The following NAV3 variants were observed in gnomAD, a reference collection of about 807,000 sequenced individuals.
NAV3 encodes the protein pore membrane and/or filament interacting like protein 1.
NAV3 carries 87 observed loss-of-function variants against 244.7 expected under a neutral mutation model. The ratio of observed to expected loss-of-function variants is 0.36; its 90% CI spans 0.30 to 0.42. NAV3 has a LOEUF of 0.42. NAV3 is among the 20% of genes least tolerant of loss of function. The probability of loss-of-function intolerance (pLI) is 1.00; values close to 1 mark genes in which losing one functional copy is unlikely to be tolerated. For synonymous variants in NAV3, 1,126 were observed against 1,042.2 expected (o/e 1.08, Z -1.55); for missense variants, 2,663 against 2,893.3 (o/e 0.92, Z 1.83).
At chr12:78,096,325 G>A (rs1262446208) in intron 12 of NAV3, among the ~76,000 whole-genome samples, 1 of 152,024 alleles carries the variant, frequency 6.6e-6, no homozygotes, top group Non-Finnish European at 1.5e-5. Flanking sequence ...CATTCTGGCA[G>A]GCCCCTCTGT....
intron 2 of NAV3, among the ~76,000 whole-genome samples, chr12:77,696,053 G>A (rs1592592190): frequency 6.6e-6 from 1 of 152,130 alleles, no homozygotes; most frequent in South Asian, 2.1e-4. Context: ...AGAATAAAAA[G>A]TACAGTAGAA....
intron 2 of NAV3, among the ~76,000 whole-genome samples, chr12:77,596,841 T>TG (rs1388637011): frequency 6.6e-6 from 1 of 152,048 alleles, no homozygotes; most frequent in Non-Finnish European, 1.5e-5. Flanking sequence ...CTGAACTGGG[T>TG]TGGCATTTTG....
intron 5 of NAV3, among the ~76,000 whole-genome samples, chr12:77,969,435 A>G (rs1464504413): frequency 6.6e-6 from 1 of 152,188 alleles, no homozygotes; most frequent in Admixed American, 6.5e-5. Flanking sequence ...TTAGGCAAGT[A>G]TGAAATCTGA....
chr12:77,918,596 T>C (rs1167273099), intron 1 of NAV3, among the ~76,000 whole-genome samples: 1 of 152,060 alleles, frequency 6.6e-6, no homozygotes, highest in Non-Finnish European at 1.5e-5. Context: ...TCTACGGGCT[T>C]ACTCAAGTTT....
intron 9 of NAV3, among the ~76,000 whole-genome samples, chr12:78,046,771 A>C (rs1037147270): frequency 6.6e-6 from 1 of 152,148 alleles, no homozygotes; most frequent in Non-Finnish European, 1.5e-5. Flanking sequence ...GTTGAGTTCA[A>C]GTCCTGAATA....
chr12:78,070,905 G>A (rs2137619586), intron 12 of NAV3, among the ~76,000 whole-genome samples: 1 of 147,092 alleles, frequency 6.8e-6, no homozygotes, highest in African/African-American at 2.5e-5. Flanking sequence ...TGGCTGCATA[G>A]TATTCCATGG....
intron 2 of NAV3, among the ~76,000 whole-genome samples, chr12:77,774,220 G>T (rs562719188): frequency 1.3e-5 from 2 of 152,288 alleles, no homozygotes; most frequent in South Asian, 4.1e-4. Flanking sequence ...CAGATATTCA[G>T]TTGGTTATAC....
chr12:78,005,122 T>C (rs1475278112), intron 7 of NAV3, among the ~76,000 whole-genome samples: 1 of 151,858 alleles, frequency 6.6e-6, no homozygotes, highest in Non-Finnish European at 1.5e-5. Flanking sequence ...CCACCGAAGC[T>C]CCCAGGCACA....
rs116062461 is a variant in NAV3, at chr12:77,908,313, A to G, written c.244-32006A>G. Among the ~76,000 whole-genome samples the G allele has an allele frequency of 8.3e-3, 1,263 of 152,198 alleles. 21 individuals are homozygous for G. Among genetic ancestry groups the G allele is most frequent in the African/African-American group, 0.029 (1,205 of 41,554 alleles). On this transcript the variant is annotated intron_variant, in intron 1 of 39. Coordinates refer to ENST00000397909, the MANE Select transcript of NAV3 (RefSeq NM_001024383.2). ...CCAAAAACATATGCCTCAAGAAAGT[A>G]TTGGAGCTGACATATGGTTTATAAC...
At chr12:77,865,226 T>C (rs945745990) in intron 1 of NAV3, among the ~76,000 whole-genome samples, 4 of 152,116 alleles carry the variant, frequency 2.6e-5, no homozygotes, top group Admixed American at 2.0e-4. Flanking sequence ...TTGTAGTTTA[T>C]GTAGATGTGT....
At chr12:78,072,044 T>A (rs1315399793) in intron 12 of NAV3, among the ~76,000 whole-genome samples, 4 of 151,734 alleles carry the variant, frequency 2.6e-5, no homozygotes, top group Non-Finnish European at 5.9e-5. Flanking sequence ...CAGTGTGTAG[T>A]GGGAAATTTA....
chr12:77,700,405 A>G (rs56080995), intron 2 of NAV3, among the ~76,000 whole-genome samples: 187 of 152,272 alleles, frequency 1.2e-3, no homozygotes, highest in Non-Finnish European at 2.0e-3. Flanking sequence ...ATAAATTAAA[A>G]TTAAAGTTGT....
At chr12:77,844,316 T>A (rs914114825) in intron 1 of NAV3, among the ~76,000 whole-genome samples, 5 of 152,184 alleles carry the variant, frequency 3.3e-5, no homozygotes, top group Admixed American at 1.3e-4. Context: ...CAAGCCCTTT[T>A]ATAGGGGCCT....
intron 12 of NAV3, among the ~76,000 whole-genome samples, chr12:78,073,542 T>C (rs2137675297): frequency 6.6e-6 from 1 of 151,714 alleles, no homozygotes; most frequent in South Asian, 2.1e-4. Flanking sequence ...TAAAAGAGGA[T>C]ACAAACAAAT....
intron 5 of NAV3, among the ~76,000 whole-genome samples, chr12:77,969,306 A>T (rs1051024956): frequency 4.0e-5 from 6 of 151,896 alleles, no homozygotes; most frequent in African/African-American, 1.2e-4. Flanking sequence ...CATTATTATT[A>T]TTTTTTTCCA....
intron 2 of NAV3, among the ~76,000 whole-genome samples, chr12:77,628,673 C>G (rs141903651): frequency 2.0e-5 from 3 of 151,830 alleles, no homozygotes; most frequent in African/African-American, 7.3e-5. Context: ...TGTTTGAGCC[C>G]AGGAGTTGGA....
chr12:77,617,587 T>G (rs1032141366), intron 2 of NAV3, among the ~76,000 whole-genome samples: 5 of 152,184 alleles, frequency 3.3e-5, no homozygotes. Context: ...AGAGAAGCAG[T>G]CTAATGATTT....
chr12:77,927,760 A>G (rs573947772), intron 1 of NAV3, among the ~76,000 whole-genome samples: 2 of 152,280 alleles, frequency 1.3e-5, no homozygotes, highest in Admixed American at 1.3e-4. Flanking sequence ...TCAAAAATGT[A>G]TATCATATCA....
intron 23 of NAV3, among the ~76,000 whole-genome samples, chr12:78,168,083 T>C (rs1373463495): frequency 6.6e-6 from 1 of 151,766 alleles, no homozygotes. Flanking sequence ...ATAAAAATTG[T>C]ATAATACATA....
Sources: allele counts gnomAD v4.1 joint callset (sites outside exome capture counted in the v4.1 genomes callset), GRCh38; gene constraint gnomAD v4.1.1; transcripts MANE v1.5; gene names NCBI Gene and HGNC (gene_info 2026-07-23, HGNC 2026-07-21).